The following PPP1R12A variants were observed in gnomAD, a reference collection of about 807,000 sequenced individuals.
PPP1R12A encodes the protein myosin binding subunit.
A neutral mutation model predicts 139.6 loss-of-function variants in PPP1R12A; 19 were observed. The ratio of observed to expected loss-of-function variants is 0.14; its 90% CI spans 0.09 to 0.20. PPP1R12A has a LOEUF of 0.20. PPP1R12A is among the 10% of genes least tolerant of loss of function. The probability of loss-of-function intolerance (pLI) is 1.00; values close to 1 mark genes in which losing one functional copy is unlikely to be tolerated. For missense variants in PPP1R12A, 925 were observed against 1,211.5 expected (o/e 0.76, Z 3.51); for synonymous variants, 427 against 420.6 (o/e 1.02, Z -0.19).
chr12:79,888,442 T>C (rs745380555), intron 1 of PPP1R12A, among the ~76,000 whole-genome samples: 2 of 152,020 alleles, frequency 1.3e-5, no homozygotes, highest in Non-Finnish European at 2.9e-5. Context: ...CAGAGAAAGC[T>C]ACATCAGAAC....
intron 1 of PPP1R12A, among the ~76,000 whole-genome samples, chr12:79,913,584 A>G (rs1886763579): frequency 6.6e-6 from 1 of 152,150 alleles, no homozygotes; most frequent in African/African-American, 2.4e-5. Flanking sequence ...TTGTGGCTTT[A>G]TAAGTCTTAA....
intron 3 of PPP1R12A, among the ~76,000 whole-genome samples, chr12:79,842,660 T>C (rs964260650): frequency 9.2e-5 from 14 of 151,926 alleles, no homozygotes; most frequent in African/African-American, 3.4e-4. Flanking sequence ...CATACATAAA[T>C]TTTTAATTGT....
At chr12:79,869,554 T>A (rs1008025499) in intron 2 of PPP1R12A, among the ~76,000 whole-genome samples, 7 of 152,034 alleles carry the variant, frequency 4.6e-5, no homozygotes, top group African/African-American at 1.7e-4. Context: ...ATCTTGAGAG[T>A]CTGGTAGAAG....
At chr12:79,906,281 G>A (rs1886105052) in intron 1 of PPP1R12A, among the ~76,000 whole-genome samples, 3 of 151,782 alleles carry the variant, frequency 2.0e-5, no homozygotes, top group Admixed American at 6.6e-5. Context: ...AAACTGTATA[G>A]TACAATCACA....
At chr12:79,817,552 C>CAT in intron 8 of PPP1R12A, 34 bp from the exon 9 acceptor site, 3 of 1,539,624 alleles carry the variant, frequency 1.9e-6, no homozygotes, top group Non-Finnish European at 2.6e-6. Flanking sequence ...GTCAAGATTC[C>CAT]ATATATATTT....
Position 79,934,909 on chromosome 12 carries a change from T to TG in PPP1R12A, c.22dup (p.Gln8ProfsTer76). 6.2e-7 allele frequency: 1 copy of TG among 1,602,732 alleles called. No individual in the cohort carries two copies. On this transcript the variant is annotated frameshift_variant, in exon 1 of 25. Coordinates refer to ENST00000450142, the MANE Select transcript of PPP1R12A (RefSeq NM_002480.3). LOFTEE classifies it high-confidence loss of function. ...GCGTTTCAGCTGCTCGTTCCGCTTC[T>TG]GCTTCGCGTCCGCCATCTTCATCCC...
intron 1 of PPP1R12A, among the ~76,000 whole-genome samples, chr12:79,929,154 C>T (rs1888064819): frequency 6.6e-6 from 1 of 152,114 alleles, no homozygotes; most frequent in Admixed American, 6.5e-5. Flanking sequence ...ACCTAGATAC[C>T]TCAGAAGCGC....
At chr12:79,834,036 T>C (rs1011511807) in intron 3 of PPP1R12A, among the ~76,000 whole-genome samples, 1 of 152,152 alleles carries the variant, frequency 6.6e-6, no homozygotes, top group Non-Finnish European at 1.5e-5. Context: ...ATTTAATATA[T>C]ACTGAGCACC....
At chr12:79,831,084 T>G (rs886106662) in intron 4 of PPP1R12A, among the ~76,000 whole-genome samples, 1 of 152,090 alleles carries the variant, frequency 6.6e-6, no homozygotes, top group Non-Finnish European at 1.5e-5. Context: ...TATACATATT[T>G]ACAGAAACAA....
intron 2 of PPP1R12A, among the ~76,000 whole-genome samples, chr12:79,851,442 C>A (rs1285545546): frequency 6.6e-6 from 1 of 152,166 alleles, no homozygotes; most frequent in Non-Finnish European, 1.5e-5. Flanking sequence ...AATAACAGTT[C>A]TTTTCTATCA....
At chr12:79,881,786 C>CG (rs1168238717) in intron 1 of PPP1R12A, among the ~76,000 whole-genome samples, 5 of 152,158 alleles carry the variant, frequency 3.3e-5, no homozygotes. Context: ...AAAGTTTCCA[C>CG]GGACAGTTTG....
chr12:79,796,348 G>A (rs1201772526), intron 17 of PPP1R12A, among the ~76,000 whole-genome samples: 1 of 152,006 alleles, frequency 6.6e-6, no homozygotes, highest in Non-Finnish European at 1.5e-5. Flanking sequence ...TAAGAAATAA[G>A]CATAAAAATG....
At chr12:79,845,025 C>T (rs1157493302) in intron 3 of PPP1R12A, among the ~76,000 whole-genome samples, 1 of 152,130 alleles carries the variant, frequency 6.6e-6, no homozygotes, top group Non-Finnish European at 1.5e-5. Context: ...ACTTTCTATC[C>T]CCTTTGCCTA....
intron 1 of PPP1R12A, among the ~76,000 whole-genome samples, chr12:79,915,532 C>T (rs1475573068): frequency 6.6e-6 from 1 of 152,012 alleles, no homozygotes; most frequent in East Asian, 1.9e-4. Context: ...TTGTCAGACA[C>T]CAGGCTTGCT....
intron 1 of PPP1R12A, among the ~76,000 whole-genome samples, chr12:79,906,410 GTAAAGGGC>G (rs1886119373): frequency 6.6e-6 from 1 of 151,898 alleles, no homozygotes; most frequent in Non-Finnish European, 1.5e-5. Context: ...TTAACATAGA[GTAAAGGGC>G]TGACAGTAAT....
chr12:79,903,745 A>G (rs1230654743), intron 1 of PPP1R12A, among the ~76,000 whole-genome samples: 1 of 152,132 alleles, frequency 6.6e-6, no homozygotes, highest in African/African-American at 2.4e-5. Flanking sequence ...TATTTTGCTT[A>G]TTACAATTAA....
chr12:79,911,734 C>T (rs767448199), intron 1 of PPP1R12A, among the ~76,000 whole-genome samples: 2 of 151,458 alleles, frequency 1.3e-5, no homozygotes, highest in Non-Finnish European at 2.9e-5. Context: ...CACCAGCTTT[C>T]GACTGAAAAG....
intron 3 of PPP1R12A, 168 bp from the exon 4 acceptor site, chr12:79,832,659 T>C: frequency 3.8e-6 from 2 of 523,334 alleles, no homozygotes; most frequent in South Asian, 8.1e-5. Context: ...TGTGGGGATA[T>C]TGTAGACCTT....
intron 2 of PPP1R12A, among the ~76,000 whole-genome samples, chr12:79,862,455 G>A (rs146890144): frequency 0.013 from 2,055 of 152,256 alleles, 52 homozygotes; most frequent in African/African-American, 0.047. Context: ...ACAAAACTGG[G>A]CAGAGAATGA....
Sources: gnomAD v4.1 joint callset for allele counts (sites outside exome capture counted in the v4.1 genomes callset) on GRCh38, gnomAD v4.1.1 for gene constraint, MANE v1.5 for transcripts, NCBI Gene and HGNC (gene_info 2026-07-23, HGNC 2026-07-21) for gene names.